Variants in SCN4A observed in about 807,000 individuals in gnomAD.
SCN4A encodes the protein sodium channel protein type 4 subunit alpha.
Under a neutral mutation model 162.0 loss-of-function variants are expected in SCN4A, and 83 were observed. The observed-to-expected ratio is 0.51, with a 90% CI of 0.43 to 0.61. SCN4A has a LOEUF of 0.61. Among genes scored for constraint, SCN4A ranks in the 20% least tolerant of loss-of-function variants. The pLI is 0.00. For missense variants in SCN4A, 2,196 were observed against 2,462.5 expected (o/e 0.89, Z 2.29); for synonymous variants, 944 against 985.1 (o/e 0.96, Z 0.78).
chr17:63,945,219 C>A lies in SCN4A; in HGVS notation c.3720+141G>T, dbSNP rs1189323009. 1.0e-6 allele frequency: 1 copy of A among 998,922 alleles called. No homozygotes were observed. The highest frequency in any genetic ancestry group is 1.5e-6 in the Non-Finnish European group (1 of 662,716). 61.9% of individuals were successfully genotyped at this position (998,922 alleles called of 1,614,324 possible). ...AATAAAGACCAGAGAGGTCTAGACACTGCCTGGGGATCCCACAGCATTGGA... is the reference window on the plus strand; with the variant it reads ...AATAAAGACCAGAGAGGTCTAGACAATGCCTGGGGATCCCACAGCATTGGA... On this transcript the variant is annotated intron_variant, in intron 19 of 23. Transcript: ENST00000435607. This position sits in a 1 kb window ranked among gnomAD's most constrained non-coding sequence, Gnocchi z 4.4.
intron 13 of SCN4A, among the ~76,000 whole-genome samples, chr17:63,953,673 C>A (rs1490846077): frequency 6.7e-6 from 1 of 148,744 alleles, no homozygotes; most frequent in African/African-American, 2.5e-5. Context: ...CAGTGCGAGA[C>A]CCTGCCTTGA....
At chr17:63,948,970 G>A (rs1007093185) in intron 15 of SCN4A, among the ~76,000 whole-genome samples, 15 of 152,278 alleles carry the variant, frequency 9.9e-5, no homozygotes, top group South Asian at 6.2e-4. Context: ...TCCAACATGC[G>A]TCAATGGCTG....
chr17:63,967,990 A>C (rs766359030), intron 6 of SCN4A, 33 bp downstream of exon 6: 1 of 1,567,050 alleles, frequency 6.4e-7, no homozygotes, highest in South Asian at 1.1e-5. Context: ...CTGGGACAGG[A>C]TCCCCCTTGC....
chr17:63,968,264 C>T lies in SCN4A; in HGVS notation c.795G>A (p.Ala265=), dbSNP rs374951808. 8.7e-6 allele frequency: 14 copies of T among 1,613,896 alleles called. No individual in the cohort carries two copies. The highest frequency in any genetic ancestry group is 6.7e-5 in the African/African-American group (5 of 74,906). ...CCATGAAGAGCTGCAGTCCTACCAGCGCAAAGACGCTCAGGCAGAAGACAG... is the reference window on the plus strand; with the variant it reads ...CCATGAAGAGCTGCAGTCCTACCAGTGCAAAGACGCTCAGGCAGAAGACAG... ...ILTVFCLSVF[A]LVGLQLFMGN... Residue 265 remains alanine, a synonymous_variant, in exon 6 of 24, where the codon GCG becomes GCA. Transcript: ENST00000435607.
At position 63,949,747 on chromosome 17, in the gene SCN4A, C is replaced by A; in HGVS notation, c.2854-219G>T. On this transcript the variant is annotated intron_variant, in intron 14 of 23. Coordinates refer to ENST00000435607, the MANE Select transcript of SCN4A (RefSeq NM_000334.4). ...CATGACACTTATATAAGGAGTGGGG[C>A]GGGGCTGATGCCTGGGAAGGGACGG... 8.3e-6 allele frequency: 4 copies of A among 483,498 alleles called. No homozygotes were observed. In the South Asian group the frequency reaches 1.3e-4, roughly 16 times the overall value. The allele number at this position is 483,498 out of a possible 1,614,324, so 30.0% of individuals were successfully genotyped here.
intron 18 of SCN4A, among the ~76,000 whole-genome samples, chr17:63,946,462 G>GCC (rs374261223): frequency 0.015 from 1,598 of 106,592 alleles, 81 homozygotes; most frequent in Non-Finnish European, 0.018. Flanking sequence ...CATTTTTCTT[G>GCC]CCCCCCCCCC....
At chr17:63,958,354 A>T (rs928315528) in intron 12 of SCN4A, among the ~76,000 whole-genome samples, 1 of 145,056 alleles carries the variant, frequency 6.9e-6, no homozygotes, top group Non-Finnish European at 1.5e-5. Context: ...AACCCTGTCT[A>T]AAAAAAAAAA....
rs759771825 is a variant in SCN4A at position 63,972,661 on chromosome 17, C to T, written c.181G>A (p.Gly61Ser). ...CCGTAGATCATGGGTAGGTTCTTGCCAGCCTCCAAGTCACTTCGTGGCTTC... is the reference window on the plus strand; with the variant it reads ...CCGTAGATCATGGGTAGGTTCTTGCTAGCCTCCAAGTCACTTCGTGGCTTC... Reference protein sequence around the residue: ...ERKPRSDLEAGKNLPMIYGDP... With the variant: ...ERKPRSDLEASKNLPMIYGDP... The change falls in exon 1 of 24, where the codon GGC (glycine) becomes AGC (serine). Residue 61 changes from glycine to serine, a missense_variant. Gly to Ser is a moderately conservative substitution (Grantham distance 56, BLOSUM62 0). Coordinates refer to ENST00000435607, the MANE Select transcript of SCN4A (RefSeq NM_000334.4). This position sits in a 1 kb window ranked among gnomAD's most constrained non-coding sequence, Gnocchi z 4.3. 6 of 1,613,136 alleles carry T rather than the reference C, an allele frequency of 3.7e-6. No individual in the cohort carries two copies. In the Admixed American group the frequency reaches 8.3e-5, roughly 22 times the overall value.
chr17:63,941,251 C>T lies in SCN4A; in HGVS notation c.5031G>A (p.Leu1677=), dbSNP rs1362662244. ...CTTTGGTCAGGGCAAAGAGGATGTC[C>T]AGGCAGTGGATCTTGTCCCCTGGCA... ...PMVPGDKIHC[L]DILFALTKEV... is the part of the protein sequence containing the mutation. Residue 1677 remains leucine, a synonymous_variant, in exon 24 of 24, where the codon CTG becomes CTA. Coordinates refer to ENST00000435607, the MANE Select transcript of SCN4A (RefSeq NM_000334.4). The surrounding 1 kb of genome is among the most constrained non-coding windows in gnomAD (Gnocchi z 6.2). 1.2e-6 allele frequency: 2 copies of T among 1,613,738 alleles called. No individual in the cohort carries two copies. The highest frequency in any genetic ancestry group is 1.7e-6 in the Non-Finnish European group (2 of 1,179,854).
intron 5 of SCN4A, among the ~76,000 whole-genome samples, chr17:63,969,399 T>A (rs1909551196): frequency 6.6e-6 from 1 of 152,226 alleles, no homozygotes; most frequent in Non-Finnish European, 1.5e-5. Flanking sequence ...TGACTTCATT[T>A]CCTTTTCTTA....
chr17:63,959,231 C>A lies in SCN4A; in HGVS notation c.2019+34G>T, dbSNP rs1159156362. 3 of 1,587,550 alleles carry A rather than the reference C, an allele frequency of 1.9e-6. No individual in the cohort carries two copies. The Admixed American group carries it at 5.1e-5, about 27-fold the overall frequency. On this transcript the variant is annotated intron_variant, in intron 12 of 23. Transcript: ENST00000435607. ...CTCCTTAGTCTCCTCACCCCACCCC[C>A]ATCCCAGCCCCTGGCCCTGGGGCTT...
rs746724521 is a variant in SCN4A at position 63,971,856 on chromosome 17, G to A, written c.483-6C>T. 1 of 1,526,774 alleles carries A rather than the reference G, an allele frequency of 6.5e-7. No homozygotes were observed. The highest frequency in any genetic ancestry group is 1.6e-5 in the African/African-American group (1 of 64,054). 94.6% of individuals were successfully genotyped at this position (1,526,774 alleles called of 1,614,324 possible). A position where few individuals can be genotyped will look rare whatever the true frequency, so the allele number is the denominator to read the frequency against. On this transcript the variant is annotated splice_polypyrimidine_tract_variant and splice_region_variant and intron_variant, in intron 3 of 23. Transcript: ENST00000435607. ...AGATCCCTGTGAAGGTGTACCTGGG[G>A]GGGAGAGGGCCGGCCGGGACAGGCA...
In SCN4A at chr17:63,968,362, G is replaced by A. The variant is rs769349459; in HGVS notation, c.704-7C>T. ...CCCACGATCGTCTTCAGCCCTGACC[G>A]CAGAGAGGGCAAGGATATTGGCAGG... On this transcript the variant is annotated splice_region_variant and splice_polypyrimidine_tract_variant and intron_variant, in intron 5 of 23. Coordinates refer to ENST00000435607, the MANE Select transcript of SCN4A (RefSeq NM_000334.4). 50 of 1,579,332 alleles carry A rather than the reference G, an allele frequency of 3.2e-5. No homozygotes were observed. Among genetic ancestry groups the A allele is most frequent in the African/African-American group, 1.7e-4 (13 of 74,498 alleles).
At chr17:63,955,797 C>T (rs1189620179) in intron 13 of SCN4A, among the ~76,000 whole-genome samples, 7 of 152,188 alleles carry the variant, frequency 4.6e-5, no homozygotes, top group Non-Finnish European at 1.5e-5. Flanking sequence ...TCTGTAGCTG[C>T]AGCATAGTCT....
intron 9 of SCN4A, among the ~76,000 whole-genome samples, 174 bp downstream of exon 9, chr17:63,964,294 C>T (rs1909361921): frequency 6.6e-6 from 1 of 152,228 alleles, no homozygotes; most frequent in Non-Finnish European, 1.5e-5. Context: ...TGGATCCCTC[C>T]ATCCCCCTGC....
In SCN4A at chr17:63,950,287, G is replaced by T. The variant is rs967711582; in HGVS notation, c.2854-759C>A. 6.6e-6 allele frequency among the ~76,000 whole-genome samples: 1 copy of T among 152,314 alleles called. No individual in the cohort carries two copies. The highest frequency in any genetic ancestry group is 2.4e-5 in the African/African-American group (1 of 41,576). On this transcript the variant is annotated intron_variant, in intron 14 of 23. Coordinates refer to ENST00000435607, the MANE Select transcript of SCN4A (RefSeq NM_000334.4). The surrounding 1 kb of genome is among the most constrained non-coding windows in gnomAD (Gnocchi z 4.6). Reference sequence around the variant, plus strand: ...GAAAACCACCATGGCCGGGGTGGGGGTCCTTGTTTTCATTAGACTAAAAGG... The same window carrying T: ...GAAAACCACCATGGCCGGGGTGGGGTTCCTTGTTTTCATTAGACTAAAAGG...
chr17:63,946,873 GA>G (rs1567818662), intron 18 of SCN4A, among the ~76,000 whole-genome samples, 171 bp downstream of exon 18: 2 of 152,020 alleles, frequency 1.3e-5, no homozygotes, highest in African/African-American at 4.8e-5. Context: ...GGCCTGCGGG[GA>G]GGACAGCTAG....
rs763556738 is a variant in SCN4A, at chr17:63,951,596, A to C, written c.2681T>G (p.Leu894Arg). ...EEDLKKDNHI[L>R]NHMGLADGPP... is the part of the protein sequence containing the mutation. The stretch of plus-strand genomic sequence containing the variant: ...GCCGTCAGCCAGGCCCATGTGGTTC[A>C]GGATGTGATTGTCCTTCTTCAGGTC... Residue 894 changes from leucine to arginine, a missense_variant, in exon 14 of 24, where the codon CTG becomes CGG. Leu to Arg is a moderately radical substitution (Grantham distance 102). Coordinates refer to ENST00000435607, the MANE Select transcript of SCN4A (RefSeq NM_000334.4). This position sits in a 1 kb window ranked among gnomAD's most constrained non-coding sequence, Gnocchi z 4.5. 2 of 1,613,906 alleles carry C rather than the reference A, an allele frequency of 1.2e-6. No individual in the cohort carries two copies. Among genetic ancestry groups the C allele is most frequent in the Admixed American group, 3.3e-5 (2 of 60,022 alleles).
At chr17:63,965,875 C>A (rs1010762860) in intron 8 of SCN4A, among the ~76,000 whole-genome samples, 1 of 152,212 alleles carries the variant, frequency 6.6e-6, no homozygotes, top group African/African-American at 2.4e-5. Flanking sequence ...CAGACCTTGG[C>A]TCTGAAAGCA....
Sources: allele counts gnomAD v4.1 joint callset (sites outside exome capture counted in the v4.1 genomes callset), GRCh38; gene constraint gnomAD v4.1.1; non-coding constraint Gnocchi (gnomAD v3.1); transcripts MANE v1.5; gene names NCBI Gene and HGNC (gene_info 2026-07-23, HGNC 2026-07-21).